LMF1: variants seen among roughly 807,000 people sequenced by gnomAD.
LMF1 encodes the protein lipase maturation factor 1.
A neutral mutation model predicts 60.6 loss-of-function variants in LMF1; 68 were observed. That is an observed-to-expected ratio of 1.12 (90% CI 0.92 to 1.37). The LOEUF (loss-of-function observed/expected upper bound fraction) is 1.37, where lower values mean the gene tolerates loss of function less well. LMF1 is among the 40% of genes most tolerant of loss of function. The pLI is 0.00. For missense variants in LMF1, 948 were observed against 767.2 expected, an observed-to-expected ratio of 1.24 and a Z score of -2.78; for synonymous variants, 418 against 324.7, an observed-to-expected ratio of 1.29 and a Z score of -3.09.
chr16:858,956 CGGGTGT>C (rs1299068596), intron 10 of LMF1, among the ~76,000 whole-genome samples: 23 of 62,252 alleles, frequency 3.7e-4, no homozygotes, highest in African/African-American at 6.5e-4. Context: ...TGTCACGGGA[CGGGTGT>C]GCAGTGGTGT....
chr16:923,077 G>A (rs1206415689), intron 3 of LMF1, among the ~76,000 whole-genome samples: 5 of 140,894 alleles, frequency 3.5e-5, no homozygotes, highest in African/African-American at 7.7e-5. Flanking sequence ...TGTTGGTGTC[G>A]TGTTGTTGCG....
intron 10 of LMF1, among the ~76,000 whole-genome samples, chr16:856,867 T>G (rs192839899): frequency 1.8e-4 from 27 of 152,144 alleles, no homozygotes; most frequent in South Asian, 2.1e-4. Context: ...CTGGGCATCT[T>G]GCACAGCTAT....
At chr16:926,166 ACG>A in intron 3 of LMF1, among the ~76,000 whole-genome samples, 1 of 149,410 alleles carries the variant, frequency 6.7e-6, no homozygotes, top group East Asian at 2.0e-4. Context: ...ATATGTGCAT[ACG>A]CGTGTGCACA....
intron 3 of LMF1, among the ~76,000 whole-genome samples, chr16:930,749 G>A (rs1332278089): frequency 2.0e-5 from 3 of 152,200 alleles, no homozygotes; most frequent in Non-Finnish European, 4.4e-5. Flanking sequence ...GCCGAGCCAC[G>A]AGCCCTCAGA....
chr16:866,519 C>G (rs943402564), intron 10 of LMF1, among the ~76,000 whole-genome samples: 1 of 152,142 alleles, frequency 6.6e-6, no homozygotes, highest in African/African-American at 2.4e-5. Flanking sequence ...AGTCCAGGCT[C>G]CTCGTGTGGT....
At chr16:861,718 C>T (rs1380472548) in intron 10 of LMF1, among the ~76,000 whole-genome samples, 2 of 152,182 alleles carry the variant, frequency 1.3e-5, no homozygotes, top group East Asian at 1.9e-4. Context: ...AAGACAACGG[C>T]GTCATCTGTA....
In LMF1 at chr16:897,431, C is replaced by A. The variant is rs1290885973; in HGVS notation, c.664-4359G>T. Among the ~76,000 whole-genome samples the A allele has an allele frequency of 6.6e-6, 1 of 152,238 alleles. No individual in the cohort carries two copies. Among genetic ancestry groups the A allele is most frequent in the Admixed American group, 6.5e-5 (1 of 15,282 alleles). ...GGGCGCCGCCAGGCCTCCCTCCGAG[C>A]CACAACCTCCTCCATCCTTCTGGCG... On this transcript the variant is annotated intron_variant, in intron 4 of 10. Coordinates refer to ENST00000262301, the MANE Select transcript of LMF1 (RefSeq NM_022773.4). This position sits in a 1 kb window ranked among gnomAD's most constrained non-coding sequence, Gnocchi z 4.3.
At position 897,349 on chromosome 16, in the gene LMF1, C is replaced by G. The variant is rs2070694594; in HGVS notation, c.664-4277G>C. 6.6e-6 allele frequency among the ~76,000 whole-genome samples: 1 copy of G among 152,204 alleles called. No individual in the cohort carries two copies. Among genetic ancestry groups the G allele is most frequent in the Non-Finnish European group, 1.5e-5 (1 of 68,028 alleles). On this transcript the variant is annotated intron_variant, in intron 4 of 10. Transcript: ENST00000262301. This position sits in a 1 kb window ranked among gnomAD's most constrained non-coding sequence, Gnocchi z 4.3. ...TGTACCCTTGCACAGTGGCTCAGGA[C>G]AGACCCCCAGCCCCTACAGTCCCCG...
Position 937,333 on chromosome 16 carries a change from CT to C in LMF1, c.504-3080del, listed in dbSNP as rs2071974834. Among the ~76,000 whole-genome samples, 5 of 152,326 alleles carry C rather than the reference CT, an allele frequency of 3.3e-5. No homozygotes were observed. The South Asian group carries it at 1.0e-3, about 32-fold the overall frequency. On this transcript the variant is annotated intron_variant, in intron 2 of 10. Transcript: ENST00000262301. ...TCTGGGTTTGTTCTGCTGTTTTGTT[CT>C]TTAAAGAAACTCAAGTCCTTTCCTG...
chr16:916,582 C>T (rs999249506), intron 3 of LMF1, among the ~76,000 whole-genome samples: 3 of 152,204 alleles, frequency 2.0e-5, no homozygotes, highest in African/African-American at 4.8e-5. Context: ...GCTCTCGCTG[C>T]GCGCCAGTGG....
chr16:862,370 CT>C (rs2069491184), intron 10 of LMF1, among the ~76,000 whole-genome samples: 1 of 152,072 alleles, frequency 6.6e-6, no homozygotes, highest in South Asian at 2.1e-4. Flanking sequence ...TCTTGAACTC[CT>C]GACCTCAGGT....
rs2071865330 is a variant in LMF1 at position 933,946 on chromosome 16, T to C, written c.514+298A>G. The C allele has an allele frequency of 2.1e-6, 3 of 1,401,640 alleles. No homozygotes were observed. The East Asian group carries it at 9.7e-5, about 45-fold the overall frequency. 86.8% of individuals were successfully genotyped at this position (1,401,640 alleles called of 1,614,324 possible). A position where few individuals can be genotyped will look rare whatever the true frequency, so the allele number is the denominator to read the frequency against. Reference sequence around the variant, plus strand: ...CTTGAGCGTCCACGGGGGATGGGCCTGTGGGTGCTTTCCCTCTGCCCCAGG... The same window carrying C: ...CTTGAGCGTCCACGGGGGATGGGCCCGTGGGTGCTTTCCCTCTGCCCCAGG... On this transcript the variant is annotated intron_variant, in intron 3 of 10. Transcript: ENST00000262301.
At chr16:936,827 G>C (rs1482592301) in intron 2 of LMF1, among the ~76,000 whole-genome samples, 2 of 152,224 alleles carry the variant, frequency 1.3e-5, no homozygotes, top group Non-Finnish European at 2.9e-5. Context: ...TATTAGCCAG[G>C]TGTGGTGGCG....
intron 3 of LMF1, chr16:933,968 C>T (rs1328211518): frequency 7.0e-7 from 1 of 1,435,040 alleles, no homozygotes; most frequent in Non-Finnish European, 9.2e-7. Context: ...CCCTCTGCCC[C>T]AGGGAAGCGG....
chr16:859,938 G>A (rs1455129683), intron 10 of LMF1, among the ~76,000 whole-genome samples: 1 of 128,712 alleles, frequency 7.8e-6, no homozygotes, highest in African/African-American at 4.5e-5. Flanking sequence ...TGTGAGTGGT[G>A]TCACGGGATG....
In LMF1 at chr16:870,830, C is replaced by T; in HGVS notation, c.1131G>A (p.Trp377Ter). The T allele has an allele frequency of 2.5e-6, 4 of 1,612,244 alleles. No homozygotes were observed. Among genetic ancestry groups the T allele is most frequent in the Non-Finnish European group, 3.4e-6 (4 of 1,179,790 alleles). ...ANVSLGVLLA[W>*]LSVPVVLNLL... ...AGTTGAGGACCACGGGCACGCTGAG[C>T]CAGGCCAGCAGGACGCCCAGCGAGA... Residue 377 changes from tryptophan (W) to a stop codon, truncating the protein, a stop_gained, in exon 8 of 11, where the codon TGG becomes TGA. Coordinates refer to ENST00000262301, the MANE Select transcript of LMF1 (RefSeq NM_022773.4). LOFTEE classifies it high-confidence loss of function.
At position 870,712 on chromosome 16, in the gene LMF1, G is replaced by A. The variant is rs745784557; in HGVS notation, c.1232+17C>T. ...CCATATACCCAGCTCCGGGGGACGG[G>A]GACCCCAGGCTCATACCTTCCGAAG... On this transcript the variant is annotated intron_variant, in intron 8 of 10. Transcript: ENST00000262301. The A allele has an allele frequency of 1.2e-6, 2 of 1,612,108 alleles. No homozygotes were observed. Among genetic ancestry groups the A allele is most frequent in the Non-Finnish European group, 1.7e-6 (2 of 1,179,700 alleles).
intron 10 of LMF1, chr16:855,864 G>A (rs1274315879): frequency 6.6e-6 from 3 of 455,846 alleles, no homozygotes; most frequent in Non-Finnish European, 1.3e-5. Context: ...GGGGCTGGGG[G>A]TGGAGACCTT....
At chr16:929,987 T>C (rs1304576173) in intron 3 of LMF1, among the ~76,000 whole-genome samples, 2 of 147,390 alleles carry the variant, frequency 1.4e-5, no homozygotes, top group Non-Finnish European at 1.5e-5. Flanking sequence ...CGCAGGACCC[T>C]GGGACACAGA....
Sources: gnomAD v4.1 joint callset for allele counts (sites outside exome capture counted in the v4.1 genomes callset) on GRCh38, gnomAD v4.1.1 for gene constraint, Gnocchi (gnomAD v3.1) non-coding constraint, MANE v1.5 for transcripts, NCBI Gene and HGNC (gene_info 2026-07-23, HGNC 2026-07-21) for gene names.